MYLK2: variants seen among roughly 807,000 people sequenced by gnomAD.
MYLK2 encodes myosin light chain kinase 2, skeletal/cardiac muscle.
MYLK2 carries 27 observed loss-of-function variants against 58.2 expected under a neutral mutation model. That is an observed-to-expected ratio of 0.46 (90% CI 0.34 to 0.64). The LOEUF is 0.64. Ranked by LOEUF, MYLK2 falls within the 30% of genes least tolerant of loss-of-function variation. The pLI is 0.01. For missense variants in MYLK2, 676 were observed against 764.3 expected (o/e 0.88, Z 1.36); for synonymous variants, 310 against 296.7 (o/e 1.04, Z -0.46).
chr20:31,821,328 C>A (rs996240798), intron 3 of MYLK2, 111 bp from the exon 4 acceptor site: 1 of 1,301,296 alleles, frequency 7.7e-7, no homozygotes, highest in Non-Finnish European at 1.1e-6. Context: ...GGCTGTATTA[C>A]ACCATGCATT....
rs746375437 is a variant in MYLK2 at position 31,830,851 on chromosome 20, G to A, written c.1257G>A (p.Gly419=). ...PENILCVNTT[G]HLVKIIDFGL... ...ACATCCTGTGTGTCAACACCACCGG[G>A]CATTTGGTGAAGATCATTGACTTTG... Residue 419 remains glycine (G), a synonymous_variant, in exon 9 of 13, where the codon GGG becomes GGA. Transcript: ENST00000375985. 7 of 1,604,128 alleles carry A rather than the reference G, an allele frequency of 4.4e-6. No homozygotes were observed. The East Asian group carries it at 6.8e-5, about 16-fold the overall frequency.
intron 8 of MYLK2, among the ~76,000 whole-genome samples, chr20:31,829,515 A>G (rs75730383): frequency 3.3e-3 from 501 of 152,366 alleles, no homozygotes; most frequent in Non-Finnish European, 5.7e-3. Flanking sequence ...ATCAGTTTTA[A>G]GAGTGCCTTC....
In MYLK2 at chr20:31,831,001, T is replaced by C. The variant is rs1225936073; in HGVS notation, c.1296-12T>C. The C allele has an allele frequency of 6.2e-7, 1 of 1,614,088 alleles. No individual in the cohort carries two copies. Among genetic ancestry groups the C allele is most frequent in the Admixed American group, 1.7e-5 (1 of 60,020 alleles). The stretch of plus-strand genomic sequence containing the variant: ...CAGGAGCTGTGCTCTCAGCCCTTGG[T>C]CTCACCCCCAGGTATAACCCCAACG... On this transcript the variant is annotated splice_polypyrimidine_tract_variant and intron_variant, in intron 9 of 12. Coordinates refer to ENST00000375985, the MANE Select transcript of MYLK2 (RefSeq NM_033118.4).
At chr20:31,822,940 C>G (rs1401532531) in intron 4 of MYLK2, among the ~76,000 whole-genome samples, 1 of 152,230 alleles carries the variant, frequency 6.6e-6, no homozygotes, top group East Asian at 1.9e-4. Context: ...GCCTGCCGGC[C>G]TGCCAGCCTT....
rs965113192 is a variant in MYLK2, at chr20:31,820,634, T to C, written c.473+88T>C. Reference sequence around the variant, plus strand: ...AATTCCCTTGTCTTAGGCATGGTTATCATCACATTCAGTGCTGGGGAGTGT... The same window carrying C: ...AATTCCCTTGTCTTAGGCATGGTTACCATCACATTCAGTGCTGGGGAGTGT... On this transcript the variant is annotated intron_variant, in intron 3 of 12. Coordinates refer to ENST00000375985, the MANE Select transcript of MYLK2 (RefSeq NM_033118.4). 1.4e-6 allele frequency: 2 copies of C among 1,479,360 alleles called. 1 individual carries two copies. Among genetic ancestry groups the C allele is most frequent in the Non-Finnish European group, 1.8e-6 (2 of 1,084,834 alleles). 91.6% of individuals were successfully genotyped at this position (1,479,360 alleles called of 1,614,324 possible).
chr20:31,832,005 G>T lies in MYLK2; in HGVS notation c.1579G>T (p.Ala527Ser). ...VSNLIVKDQR[A>S]RMNAAQCLAH... is the part of the protein sequence containing the mutation. ...GTCACCATGCTGCCTCTCCCCCAGG[G>T]CCCGGATGAACGCTGCCCAGTGTCT... Residue 527 changes from alanine to serine, a missense_variant and splice_region_variant, in exon 12 of 13, where the codon GCC (alanine) becomes TCC (serine). By Grantham distance (99) the Ala-to-Ser change is moderately conservative. Around this residue, in one of 2 missense-constraint regions of MYLK2, gnomAD observed 370 missense variants for 467.8 expected, o/e 0.79. Coordinates refer to ENST00000375985, the MANE Select transcript of MYLK2 (RefSeq NM_033118.4). The T allele has an allele frequency of 1.2e-6, 2 of 1,610,504 alleles. No homozygotes were observed. The highest frequency in any genetic ancestry group is 1.7e-6 in the Non-Finnish European group (2 of 1,178,358).
Position 31,828,664 on chromosome 20 carries a change from G to A in MYLK2, c.1224+1726G>A, listed in dbSNP as rs189894917. 6.7e-5 allele frequency: 66 copies of A among 985,470 alleles called. No individual in the cohort carries two copies. The African/African-American group carries it at 7.3e-4, about 11-fold the overall frequency. The allele number at this position is 985,470 out of a possible 1,614,324, so 61.0% of individuals were successfully genotyped here. On this transcript the variant is annotated intron_variant, in intron 8 of 12. Coordinates refer to ENST00000375985, the MANE Select transcript of MYLK2 (RefSeq NM_033118.4). ...CACTGGGTGAAATTGAAGTCAGCACGGGTCTGAAGCAGGCAGGGAGATGCT... is the reference window on the plus strand; with the variant it reads ...CACTGGGTGAAATTGAAGTCAGCACAGGTCTGAAGCAGGCAGGGAGATGCT...
At chr20:31,824,135 C>CA in intron 5 of MYLK2, 124 bp from the exon 6 acceptor site, 1 of 1,531,852 alleles carries the variant, frequency 6.5e-7, no homozygotes, top group Non-Finnish European at 8.8e-7. Context: ...TGAGTGCTCC[C>CA]ATCTCACCAA....
intron 9 of MYLK2, 24 bp from the exon 10 acceptor site, chr20:31,830,989 C>T (rs776639978): frequency 1.9e-6 from 3 of 1,614,048 alleles, no homozygotes; most frequent in Non-Finnish European, 2.5e-6. Flanking sequence ...GAGCTGTGCT[C>T]TCAGCCCTTG....
At chr20:31,822,968 C>A (rs997501475) in intron 4 of MYLK2, among the ~76,000 whole-genome samples, 2 of 152,192 alleles carry the variant, frequency 1.3e-5, no homozygotes, top group African/African-American at 4.8e-5. Flanking sequence ...AGCGGTTCCC[C>A]ACACTTGCCG....
chr20:31,831,750 T>G lies in MYLK2; in HGVS notation c.1472T>G (p.Leu491Arg). 6.2e-7 allele frequency: 1 copy of G among 1,614,072 alleles called. No individual in the cohort carries two copies. Among genetic ancestry groups the G allele is most frequent in the Non-Finnish European group, 8.5e-7 (1 of 1,179,996 alleles). The part of the protein sequence containing the change: ...PFLGDDDTET[L>R]NNVLSGNWYF... The stretch of plus-strand genomic sequence containing the variant: ...CTGGGAGATGATGACACAGAGACCC[T>G]AAACAACGTTCTATCTGGCAACTGG... Residue 491 changes from leucine (L) to arginine (R), a missense_variant, in exon 11 of 13, where the codon CTA (leucine) becomes CGA (arginine). By Grantham distance (102) the Leu-to-Arg change is moderately radical. Coordinates refer to ENST00000375985, the MANE Select transcript of MYLK2 (RefSeq NM_033118.4).
intron 3 of MYLK2, 120 bp downstream of exon 3, chr20:31,820,666 G>C: frequency 7.8e-7 from 1 of 1,279,048 alleles, no homozygotes; most frequent in East Asian, 2.5e-5. Flanking sequence ...GTGTAGTTCT[G>C]ACATTCAGTT....
In MYLK2 at chr20:31,821,724, C is replaced by G. The variant is rs773021152; in HGVS notation, c.759C>G (p.Cys253Trp). 1 of 1,600,742 alleles carries G rather than the reference C, an allele frequency of 6.2e-7. No homozygotes were observed. Among genetic ancestry groups the G allele is most frequent in the Non-Finnish European group, 8.5e-7 (1 of 1,171,168 alleles). The change falls in exon 4 of 13, where the codon TGC (cysteine) becomes TGG (tryptophan). Residue 253 changes from cysteine to tryptophan, a missense_variant. Physicochemically the swap from Cys to Trp is radical, Grantham distance 215 (BLOSUM62 -2). Around this residue, in one of 2 missense-constraint regions of MYLK2, gnomAD observed 370 missense variants for 467.8 expected, o/e 0.79. Transcript: ENST00000375985. ...GTCTCACAGCCAGGGAGGAGGACTG[C>G]TTCCAGATTTTGGGTAGGCCAGGGG... Reference protein sequence around the residue: ...ALCLTAREEDCFQILDDCPPP... With the variant: ...ALCLTAREEDWFQILDDCPPP...
chr20:31,829,590 T>G (rs1022883106), intron 8 of MYLK2, among the ~76,000 whole-genome samples: 1 of 152,096 alleles, frequency 6.6e-6, no homozygotes, highest in African/African-American at 2.4e-5. Flanking sequence ...AACAAATACA[T>G]GTTGAATGGG....
rs1389317242 is a variant in MYLK2 at position 31,820,184 on chromosome 20, C to A, written c.111C>A (p.Gly37=). The A allele has an allele frequency of 6.2e-7, 1 of 1,613,974 alleles. No individual in the cohort carries two copies. The highest frequency in any genetic ancestry group is 8.5e-7 in the Non-Finnish European group (1 of 1,180,018). Residue 37 remains glycine (G), a synonymous_variant, in exon 3 of 13, where the codon GGC becomes GGA. Coordinates refer to ENST00000375985, the MANE Select transcript of MYLK2 (RefSeq NM_033118.4). ...ERPLAAGKDP[G]PPDPKKAPDP... ...CCCTGGCTGCAGGGAAAGACCCTGG[C>A]CCCCCAGACCCAAAGAAAGCTCCGG...
At position 31,821,541 on chromosome 20, in the gene MYLK2, G is replaced by C. The variant is rs6060968; in HGVS notation, c.576G>C (p.Lys192Asn). 1.2e-6 allele frequency: 2 copies of C among 1,613,968 alleles called. No homozygotes were observed. Among genetic ancestry groups the C allele is most frequent in the African/African-American group, 2.7e-5 (2 of 74,934 alleles). Residue 192 changes from lysine (K) to asparagine (N), a missense_variant, in exon 4 of 13, where the codon AAG (lysine) becomes AAC (asparagine). Lys to Asn is a moderately conservative substitution (Grantham distance 94, BLOSUM62 0). This residue lies in a region of MYLK2 where 306 missense variants were observed against 296.5 expected (regional missense o/e 1.03). Transcript: ENST00000375985. ...GCCCCACGGATCCCAGGCCAGCCAAGGCAGAAGAAGGAAAGAACATCCTGG... is the reference window on the plus strand; with the variant it reads ...GCCCCACGGATCCCAGGCCAGCCAACGCAGAAGAAGGAAAGAACATCCTGG... Reference protein sequence around the residue: ...THSPTDPRPAKAEEGKNILAE... With the variant: ...THSPTDPRPANAEEGKNILAE...
intron 6 of MYLK2, 127 bp from the exon 7 acceptor site, chr20:31,826,478 A>T (rs2062280077): frequency 2.4e-6 from 3 of 1,269,218 alleles, no homozygotes; most frequent in Admixed American, 2.0e-5. Context: ...GAGAGAGGAG[A>T]GGCAAGGAGG....
intron 10 of MYLK2, 115 bp downstream of exon 10, chr20:31,831,256 G>T: frequency 1.3e-6 from 2 of 1,487,204 alleles, no homozygotes; most frequent in South Asian, 1.2e-5. Context: ...CTATCCCTCA[G>T]TCAGGGGTTT....
At chr20:31,827,123 AAGAG>A (rs1290185187) in intron 8 of MYLK2, 185 bp downstream of exon 8, 3 of 981,092 alleles carry the variant, frequency 3.1e-6, no homozygotes, top group Non-Finnish European at 3.6e-6. Context: ...GGGCACAGCA[AAGAG>A]AGAGAGGGGG....
Sources: gnomAD v4.1 joint callset for allele counts (sites outside exome capture counted in the v4.1 genomes callset) on GRCh38, gnomAD v4.1.1 for gene constraint, gnomAD v4.1.1 regional missense constraint, MANE v1.5 for transcripts, NCBI Gene and HGNC (gene_info 2026-07-23, HGNC 2026-07-21) for gene names.